The following ARAP2 variants were observed in gnomAD, a reference collection of about 807,000 sequenced individuals.
The protein encoded by ARAP2 is ArfGAP with RhoGAP domain, ankyrin repeat and PH domain 2.
ARAP2 carries 148 observed loss-of-function variants against 194.5 expected under a neutral mutation model. That is an observed-to-expected ratio of 0.76 (90% CI 0.67 to 0.87). The LOEUF is 0.87. Among genes scored for constraint, ARAP2 ranks in the 40% least tolerant of loss-of-function variants. ARAP2 has a pLI of 0.00. For missense variants in ARAP2, 2,128 were observed against 1,989.7 expected (o/e 1.07, Z -1.32); for synonymous variants, 695 against 683.5 (o/e 1.02, Z -0.26).
At chr4:36,226,475 T>C (rs373702213) in intron 2 of ARAP2, among the ~76,000 whole-genome samples, 1 of 152,166 alleles carries the variant, frequency 6.6e-6, no homozygotes, top group African/African-American at 2.4e-5. Context: ...CAAAGAATTC[T>C]GTACAGACCT....
chr4:36,098,711 C>T (rs773311495), intron 27 of ARAP2, among the ~76,000 whole-genome samples: 1 of 151,864 alleles, frequency 6.6e-6, no homozygotes, highest in Non-Finnish European at 1.5e-5. Context: ...GAGAGAAATC[C>T]TGTTTTCTTT....
At chr4:36,080,508 C>T (rs78732899) in intron 30 of ARAP2, among the ~76,000 whole-genome samples, 1,571 of 152,204 alleles carry the variant, frequency 0.01, 16 homozygotes, top group Non-Finnish European at 0.017. Context: ...ACAACTGAAG[C>T]CTTTGGTAAG....
chr4:36,054,662 G>C (rs1410808733), intron 2 of ARAP2, among the ~76,000 whole-genome samples: 1 of 151,976 alleles, frequency 6.6e-6, no homozygotes, highest in Non-Finnish European at 1.5e-5. Context: ...AATGGAAAAA[G>C]CAAACATAAA....
intron 19 of ARAP2, among the ~76,000 whole-genome samples, chr4:36,145,803 G>A (rs1052785457): frequency 4.6e-5 from 7 of 151,800 alleles, no homozygotes; most frequent in African/African-American, 1.5e-4. Context: ...GGGGACCTCC[G>A]GCTATGTCTT....
chr4:36,039,939 T>C (rs1172076439), intron 5 of ARAP2, among the ~76,000 whole-genome samples: 1 of 152,036 alleles, frequency 6.6e-6, no homozygotes, highest in African/African-American at 2.4e-5. Flanking sequence ...AAACAGTGAA[T>C]TGTGGAAAAG....
At chr4:36,036,570 C>T (rs1719966667) in intron 5 of ARAP2, among the ~76,000 whole-genome samples, 1 of 152,066 alleles carries the variant, frequency 6.6e-6, no homozygotes, top group Non-Finnish European at 1.5e-5. Context: ...TAAAAAGTGT[C>T]ACCTTAGGAA....
At chr4:36,214,087 C>A (rs1747380598) in intron 3 of ARAP2, among the ~76,000 whole-genome samples, 1 of 152,132 alleles carries the variant, frequency 6.6e-6, no homozygotes, top group Admixed American at 6.5e-5. Context: ...ATGGCAAAAT[C>A]ACTTTCCGTA....
chr4:36,166,243 C>T (rs772429701), intron 10 of ARAP2, among the ~76,000 whole-genome samples: 1 of 152,068 alleles, frequency 6.6e-6, no homozygotes, highest in African/African-American at 2.4e-5. Context: ...CCCACTACCA[C>T]GTGATGTTGA....
rs78006261 is a variant in ARAP2, at chr4:36,087,975, C to T, written c.4425+3906G>A. The stretch of plus-strand genomic sequence containing the variant: ...GTGGGAATAATAAGAGTACCAATTT[C>T]GTGGGGTAACTGTATAGATAAAATG... On this transcript the variant is annotated intron_variant, in intron 28 of 32. Coordinates refer to ENST00000303965, the MANE Select transcript of ARAP2 (RefSeq NM_015230.4). Among the ~76,000 whole-genome samples the T allele has an allele frequency of 3.1e-3, 471 of 152,116 alleles. 1 individual carries two copies. Among genetic ancestry groups the T allele is most frequent in the Non-Finnish European group, 4.0e-3 (272 of 67,960 alleles).
intron 6 of ARAP2, among the ~76,000 whole-genome samples, chr4:36,201,241 A>C (rs997577013): frequency 3.3e-5 from 5 of 152,192 alleles, no homozygotes; most frequent in Non-Finnish European, 7.4e-5. Context: ...TAATATGTCC[A>C]AGTCATACAG....
chr4:36,128,956 C>T (rs1474704094), intron 20 of ARAP2, among the ~76,000 whole-genome samples: 1 of 151,968 alleles, frequency 6.6e-6, no homozygotes, highest in South Asian at 2.1e-4. Flanking sequence ...ATTGCAGCCT[C>T]AGCTTTTGGC....
intron 10 of ARAP2, 32 bp downstream of exon 10, chr4:36,166,900 G>A: frequency 1.4e-6 from 2 of 1,394,650 alleles, no homozygotes; most frequent in Non-Finnish European, 2.0e-6. Flanking sequence ...TCCTATAGTA[G>A]TACGAACACA....
rs34611360 is a variant in ARAP2 at position 36,210,681 on chromosome 4, C to G, written c.1196G>C (p.Arg399Pro). The change falls in exon 6 of 33, where the codon CGA becomes CCA. Residue 399 changes from arginine to proline, a missense_variant. By Grantham distance (103) the Arg-to-Pro change is moderately radical. Coordinates refer to ENST00000303965, the MANE Select transcript of ARAP2 (RefSeq NM_015230.4). ...EDKVEDIWIPREDKNNFLIDT... is the reference protein window; with the variant it reads ...EDKVEDIWIPPEDKNNFLIDT... The stretch of plus-strand genomic sequence containing the variant: ...TATCAAAAAATTGTTTTTGTCCTCT[C>G]GAGGTATCCAAATATCTTCCACCTT... 23 of 1,612,846 alleles carry G rather than the reference C, an allele frequency of 1.4e-5. No individual in the cohort carries two copies. The Admixed American group carries it at 3.8e-4, about 27-fold the overall frequency.
chr4:36,212,471 T>C lies in ARAP2; in HGVS notation c.1058A>G (p.Asn353Ser). ...LENSKKRSIKNEFLTQGEALK... is the reference protein window; with the variant it reads ...LENSKKRSIKSEFLTQGEALK... Reference sequence around the variant, plus strand: ...TGCTTCTCCCTGGGTCAAAAATTCATTCTTTATAGATCGCTTCTATTAAAA... The same window carrying C: ...TGCTTCTCCCTGGGTCAAAAATTCACTCTTTATAGATCGCTTCTATTAAAA... Residue 353 changes from asparagine to serine, a missense_variant, in exon 5 of 33, where the codon AAT becomes AGT. By Grantham distance (46) the Asn-to-Ser change is conservative. Coordinates refer to ENST00000303965, the MANE Select transcript of ARAP2 (RefSeq NM_015230.4). The C allele has an allele frequency of 6.2e-7, 1 of 1,611,938 alleles. No individual in the cohort carries two copies. Among genetic ancestry groups the C allele is most frequent in the South Asian group, 1.1e-5 (1 of 90,934 alleles).
At position 36,114,167 on chromosome 4, in the gene ARAP2, T is replaced by C; in HGVS notation, c.4156+3A>G. 1 of 1,562,130 alleles carries C rather than the reference T, an allele frequency of 6.4e-7. No individual in the cohort carries two copies. Among genetic ancestry groups the C allele is most frequent in the Non-Finnish European group, 8.8e-7 (1 of 1,137,800 alleles). ...AAGAATCCCTAGCATAAAAATCACTTACCTAGCTCTTCATTTTCAATGACT... is the reference window on the plus strand; with the variant it reads ...AAGAATCCCTAGCATAAAAATCACTCACCTAGCTCTTCATTTTCAATGACT... On this transcript the variant is annotated splice_donor_region_variant and intron_variant, in intron 26 of 32. Transcript: ENST00000303965.
intron 3 of ARAP2, among the ~76,000 whole-genome samples, chr4:36,049,527 C>A (rs1466045040): frequency 1.3e-5 from 2 of 152,170 alleles, no homozygotes; most frequent in Non-Finnish European, 2.9e-5. Context: ...TTATTACAGA[C>A]TTCCTGCAAT....
Position 36,124,973 on chromosome 4 carries a change from G to C in ARAP2, c.3641-6C>G. 2 of 1,565,696 alleles carry C rather than the reference G, an allele frequency of 1.3e-6. No homozygotes were observed. Among genetic ancestry groups the C allele is most frequent in the Non-Finnish European group, 1.8e-6 (2 of 1,142,346 alleles). On this transcript the variant is annotated splice_region_variant and splice_polypyrimidine_tract_variant and intron_variant, in intron 21 of 32. Transcript: ENST00000303965. ...TTCCTTGTCATCTTGCGTATCTGAAGGGGAAAAAAAAACAATCTTGAGATC... is the reference window on the plus strand; with the variant it reads ...TTCCTTGTCATCTTGCGTATCTGAACGGGAAAAAAAAACAATCTTGAGATC...
At chr4:36,096,429 G>A (rs548733301) in intron 27 of ARAP2, among the ~76,000 whole-genome samples, 2 of 150,860 alleles carry the variant, frequency 1.3e-5, no homozygotes, top group East Asian at 3.9e-4. Flanking sequence ...AATCTGTTTG[G>A]GGAAAACATT....
At chr4:36,202,409 C>T (rs1744553700) in intron 6 of ARAP2, among the ~76,000 whole-genome samples, 1 of 151,754 alleles carries the variant, frequency 6.6e-6, no homozygotes, top group Admixed American at 6.6e-5. Flanking sequence ...ACCAAATGAG[C>T]TGGGGCCAAA....
Sources: gnomAD v4.1 joint callset for allele counts (sites outside exome capture counted in the v4.1 genomes callset) on GRCh38, gnomAD v4.1.1 for gene constraint, MANE v1.5 for transcripts, NCBI Gene and HGNC (gene_info 2026-07-23, HGNC 2026-07-21) for gene names.